AK7: variants seen among roughly 807,000 people sequenced by gnomAD.
AK7 encodes the protein ATP-AMP transphosphorylase 7.
In AK7, 78 loss-of-function variants were observed where a neutral mutation model predicts 96.6. The observed-to-expected ratio is 0.81, with a 90% CI of 0.67 to 0.97. AK7 has a LOEUF of 0.97. Among genes scored for constraint, AK7 ranks in the 50% least tolerant of loss-of-function variants. AK7 has a pLI of 0.00. For synonymous variants in AK7, 302 were observed against 317.2 expected, an observed-to-expected ratio of 0.95 and a Z score of 0.51; for missense variants, 855 against 887.9, an observed-to-expected ratio of 0.96 and a Z score of 0.47.
At chr14:96,415,967 C>T (rs1479366086) in intron 4 of AK7, among the ~76,000 whole-genome samples, 1 of 151,950 alleles carries the variant, frequency 6.6e-6, no homozygotes, top group Non-Finnish European at 1.5e-5. Flanking sequence ...CAGAGGTGAC[C>T]CTGATTCAAC....
At chr14:96,477,268 G>A (rs1403912267) in intron 14 of AK7, among the ~76,000 whole-genome samples, 1 of 152,180 alleles carries the variant, frequency 6.6e-6, no homozygotes, top group African/African-American at 2.4e-5. Context: ...GTTCACACAT[G>A]TCCACATGCC....
intron 4 of AK7, among the ~76,000 whole-genome samples, chr14:96,419,637 C>CA (rs965957625): frequency 2.4e-4 from 36 of 150,214 alleles, no homozygotes; most frequent in South Asian, 1.5e-3. Flanking sequence ...CTGTCTCTAC[C>CA]AAAAAAAAAT....
chr14:96,459,563 G>GA (rs575109734), intron 12 of AK7, among the ~76,000 whole-genome samples: 53 of 152,004 alleles, frequency 3.5e-4, no homozygotes, highest in South Asian at 6.2e-4. Context: ...ATCCTTAATA[G>GA]AAAAAAATGG....
Position 96,408,948 on chromosome 14 carries a change from A to G in AK7, c.498+7A>G. 1.9e-6 allele frequency: 3 copies of G among 1,613,618 alleles called. No homozygotes were observed. The highest frequency in any genetic ancestry group is 2.5e-6 in the Non-Finnish European group (3 of 1,179,522). On this transcript the variant is annotated splice_region_variant and intron_variant, in intron 4 of 17. Coordinates refer to ENST00000267584, the MANE Select transcript of AK7 (RefSeq NM_152327.5). ...CTCCAAAGCCCTGGACCCCGTAAGT[A>G]GAGCGTTAGCTTTCCTTTAGGTAAC...
At chr14:96,425,346 T>A (rs1891959999) in intron 5 of AK7, among the ~76,000 whole-genome samples, 1 of 152,140 alleles carries the variant, frequency 6.6e-6, no homozygotes, top group African/African-American at 2.4e-5. Context: ...TATACAAGAT[T>A]ACATACACAA....
intron 4 of AK7, among the ~76,000 whole-genome samples, chr14:96,410,257 T>A (rs923740927): frequency 1.3e-5 from 2 of 152,148 alleles, no homozygotes; most frequent in African/African-American, 2.4e-5. Context: ...AAGGAGCAGG[T>A]CATGGTCATT....
In AK7 at chr14:96,471,516, G is replaced by T. The variant is rs1475065823; in HGVS notation, c.1396G>T (p.Glu466Ter). 2 of 1,543,110 alleles carry T rather than the reference G, an allele frequency of 1.3e-6. No homozygotes were observed. Among genetic ancestry groups the T allele is most frequent in the Non-Finnish European group, 1.8e-6 (2 of 1,126,828 alleles). ...TCAATATATAATTAGATTTATGAAA[G>T]AAAAGCTAAAATCAATGCCTTGCAG... Reference protein sequence around the residue: ...DDQYIIRFMKEKLKSMPCRNQ... With the variant: ...DDQYIIRFMK Residue 466 changes from glutamate (E) to a stop codon, truncating the protein, a stop_gained, in exon 13 of 18, where the codon GAA (glutamate) becomes TAA (stop). Coordinates refer to ENST00000267584, the MANE Select transcript of AK7 (RefSeq NM_152327.5). LOFTEE classifies it high-confidence loss of function.
intron 5 of AK7, among the ~76,000 whole-genome samples, chr14:96,426,542 GTC>G (rs1361438252): frequency 6.6e-6 from 1 of 152,102 alleles, no homozygotes; most frequent in African/African-American, 2.4e-5. Flanking sequence ...GTTCATTAAT[GTC>G]TTTTTCTTTC....
intron 8 of AK7, 68 bp from the exon 9 acceptor site, chr14:96,449,734 C>T (rs545580606): frequency 6.3e-4 from 765 of 1,219,352 alleles, no homozygotes; most frequent in Non-Finnish European, 8.4e-4. Flanking sequence ...GCGCCTGGCC[C>T]ATTTGAGTTT....
Position 96,487,074 on chromosome 14 carries a change from T to A in AK7, c.2133+18T>A. 1 of 1,613,260 alleles carries A rather than the reference T, an allele frequency of 6.2e-7. No individual in the cohort carries two copies. On this transcript the variant is annotated intron_variant, in intron 17 of 17. Coordinates refer to ENST00000267584, the MANE Select transcript of AK7 (RefSeq NM_152327.5). Reference sequence around the variant, plus strand: ...ATTTTCTGGTAACATATTTAATTTTTAAAAAAAGATCAATTTGAGTTTGGG... The same window carrying A: ...ATTTTCTGGTAACATATTTAATTTTAAAAAAAAGATCAATTTGAGTTTGGG...
chr14:96,454,559 C>G lies in AK7; in HGVS notation c.1099-1788C>G, dbSNP rs143320583. Among the ~76,000 whole-genome samples the G allele has an allele frequency of 4.1e-4, 63 of 152,038 alleles. 1 individual carries two copies. Among genetic ancestry groups the G allele is most frequent in the African/African-American group, 1.5e-3 (62 of 41,478 alleles). ...GTGGTAGGACCACGACTCACTGCAG[C>G]CTAGACCCTCCTGGGCTTAAGCACT... On this transcript the variant is annotated intron_variant, in intron 10 of 17. Coordinates refer to ENST00000267584, the MANE Select transcript of AK7 (RefSeq NM_152327.5).
chr14:96,446,400 A>G (rs1483744152), intron 7 of AK7, 117 bp from the exon 8 acceptor site: 2 of 778,190 alleles, frequency 2.6e-6, no homozygotes, highest in Non-Finnish European at 4.4e-6. Context: ...AATGGAGATA[A>G]CTTATCAAAG....
chr14:96,434,174 T>A (rs1892510555), intron 5 of AK7, among the ~76,000 whole-genome samples: 1 of 152,252 alleles, frequency 6.6e-6, no homozygotes, highest in Non-Finnish European at 1.5e-5. Flanking sequence ...CTTCACCGTC[T>A]GGGCTTGTTT....
At chr14:96,487,175 G>A in intron 17 of AK7, 119 bp downstream of exon 17, 3 of 972,786 alleles carry the variant, frequency 3.1e-6, no homozygotes, top group East Asian at 5.3e-5. Context: ...AGGAGTTAGA[G>A]ACCACCCTGC....
intron 12 of AK7, among the ~76,000 whole-genome samples, chr14:96,470,857 G>A (rs574649038): frequency 5.3e-5 from 8 of 152,200 alleles, no homozygotes; most frequent in East Asian, 1.9e-4. Context: ...GAAACCCTGC[G>A]GGCGGGCGGA....
chr14:96,456,728 G>A (rs1183506336), intron 11 of AK7: 13 of 332,198 alleles, frequency 3.9e-5, no homozygotes, highest in African/African-American at 1.5e-4. Flanking sequence ...TGGATGTGGC[G>A]CTTGCTGGCT....
At chr14:96,457,625 C>T (rs892939793) in intron 11 of AK7, among the ~76,000 whole-genome samples, 3 of 151,776 alleles carry the variant, frequency 2.0e-5, no homozygotes, top group Admixed American at 1.3e-4. Context: ...CTCTCTGTTG[C>T]CTGGAACGCT....
chr14:96,483,302 C>T (rs1300221599), intron 16 of AK7, 83 bp downstream of exon 16: 1 of 1,344,064 alleles, frequency 7.4e-7, no homozygotes, highest in Non-Finnish European at 1.0e-6. Context: ...GCCAGTTCCA[C>T]TTCCCATCCT....
rs1893915986 is a variant in AK7 at position 96,456,465 on chromosome 14, T to C, written c.1217T>C (p.Ile406Thr). ...CTGAAGGATGTCATTTCTGAAGCCA[T>C]AGCAAAACTGGTAACACTTTAAACT... is the stretch of plus-strand genomic sequence containing the variant. ...IQLKDVISEA[I>T]AKLEAIVAPN... The change falls in exon 11 of 18, where the codon ATA (isoleucine) becomes ACA (threonine). Residue 406 changes from isoleucine to threonine, a missense_variant. Transcript: ENST00000267584. 1.9e-6 allele frequency: 3 copies of C among 1,613,550 alleles called. No homozygotes were observed. The highest frequency in any genetic ancestry group is 2.7e-5 in the African/African-American group (2 of 75,032).
Sources: allele counts gnomAD v4.1 joint callset (sites outside exome capture counted in the v4.1 genomes callset), GRCh38; gene constraint gnomAD v4.1.1; transcripts MANE v1.5; gene names NCBI Gene and HGNC (gene_info 2026-07-23, HGNC 2026-07-21).